The following MSH4 variants were observed in gnomAD, a reference collection of about 807,000 sequenced individuals.
The protein encoded by MSH4 is mutS homolog 4, also known as mutS protein homolog 4.
In MSH4, 106 loss-of-function variants were observed where a neutral mutation model predicts 113.7. The observed-to-expected ratio is 0.93, with a 90% CI of 0.80 to 1.10. The LOEUF (loss-of-function observed/expected upper bound fraction) is 1.10. Among genes scored for constraint, MSH4 ranks in the 50% least tolerant of loss-of-function variants. The probability of loss-of-function intolerance (pLI) is 0.00; values close to 1 mark genes in which losing one functional copy is unlikely to be tolerated. For synonymous variants in MSH4, 368 were observed against 380.2 expected (o/e 0.97, Z 0.37); for missense variants, 1,061 against 1,093.7 (o/e 0.97, Z 0.42).
At chr1:75,902,547 T>C (rs1203726345) in intron 19 of MSH4, among the ~76,000 whole-genome samples, 1 of 151,444 alleles carries the variant, frequency 6.6e-6, no homozygotes, top group African/African-American at 2.4e-5. Flanking sequence ...TTCTTGTTTA[T>C]GGCTATTAGT....
chr1:75,818,990 T>C (rs1650349493), intron 6 of MSH4, among the ~76,000 whole-genome samples: 2 of 151,936 alleles, frequency 1.3e-5, no homozygotes, highest in African/African-American at 4.8e-5. Context: ...ACGGTCTCGA[T>C]CTCCTGACCT....
At chr1:75,894,191 T>G (rs1341475857) in intron 17 of MSH4, among the ~76,000 whole-genome samples, 1 of 152,074 alleles carries the variant, frequency 6.6e-6, no homozygotes, top group Non-Finnish European at 1.5e-5. Context: ...CCAAATGCAA[T>G]AGGAATAATT....
chr1:75,881,121 A>G (rs1189975645), intron 13 of MSH4, 125 bp from the exon 14 acceptor site: 1 of 703,970 alleles, frequency 1.4e-6, no homozygotes, highest in African/African-American at 1.8e-5. Context: ...GGCTTTATCT[A>G]TAGTGTATAA....
At chr1:75,805,601 G>A (rs1650043910) in intron 2 of MSH4, among the ~76,000 whole-genome samples, 1 of 151,482 alleles carries the variant, frequency 6.6e-6, no homozygotes, top group African/African-American at 2.4e-5. Context: ...TGGCCAGGCT[G>A]GTCTCGAACT....
At chr1:75,869,885 G>A (rs1236560260) in intron 9 of MSH4, among the ~76,000 whole-genome samples, 1 of 152,194 alleles carries the variant, frequency 6.6e-6, no homozygotes, top group African/African-American at 2.4e-5. Context: ...TTGCCTAGTG[G>A]ATCTGTGAGA....
chr1:75,819,987 A>T (rs1262193081), intron 6 of MSH4, among the ~76,000 whole-genome samples: 1 of 152,166 alleles, frequency 6.6e-6, no homozygotes, highest in Non-Finnish European at 1.5e-5. Context: ...AAGTGCTGGG[A>T]ATACAGGCAT....
intron 19 of MSH4, among the ~76,000 whole-genome samples, chr1:75,903,531 A>G (rs1043090364): frequency 3.3e-5 from 5 of 152,146 alleles, no homozygotes; most frequent in Non-Finnish European, 7.4e-5. Flanking sequence ...GGTTCCATAT[A>G]AATTTTAGGA....
At position 75,878,237 on chromosome 1, in the gene MSH4, T is replaced by G. The variant is rs769413279; in HGVS notation, c.1459T>G (p.Cys487Gly). The change falls in exon 11 of 20, where the codon TGC becomes GGC. Residue 487 changes from cysteine to glycine, a missense_variant. Physicochemically the swap from Cys to Gly is radical, Grantham distance 159 (BLOSUM62 -3). Transcript: ENST00000263187. Reference protein sequence around the residue: ...KGCLNMRTQKCYAVRSNINEF... With the variant: ...KGCLNMRTQKGYAVRSNINEF... ...ATGCCTAAACATGAGGACTCAGAAGTGCTATGCAGTGAGGTCTAACATAAA... is the reference window on the plus strand; with the variant it reads ...ATGCCTAAACATGAGGACTCAGAAGGGCTATGCAGTGAGGTCTAACATAAA... 1.9e-6 allele frequency: 3 copies of G among 1,610,416 alleles called. No homozygotes were observed. The highest frequency in any genetic ancestry group is 2.5e-6 in the Non-Finnish European group (3 of 1,178,810).
chr1:75,858,925 A>T (rs1651385677), intron 8 of MSH4, among the ~76,000 whole-genome samples: 1 of 152,130 alleles, frequency 6.6e-6, no homozygotes, highest in Non-Finnish European at 1.5e-5. Flanking sequence ...GCTATTAATT[A>T]TTGCCTCAAT....
Position 75,855,498 on chromosome 1 carries a change from C to T in MSH4, c.1230+7222C>T, listed in dbSNP as rs561087768. Among the ~76,000 whole-genome samples, 9 of 152,348 alleles carry T rather than the reference C, an allele frequency of 5.9e-5. No homozygotes were observed. The South Asian group carries it at 1.7e-3, about 28-fold the overall frequency. On this transcript the variant is annotated intron_variant, in intron 8 of 19. Transcript: ENST00000263187. Reference sequence around the variant, plus strand: ...AACCTGTAGGGGAATCCTTTCTTGCCTCTTCCTAGCTTTTGGTGATTTGTT... The same window carrying T: ...AACCTGTAGGGGAATCCTTTCTTGCTTCTTCCTAGCTTTTGGTGATTTGTT...
chr1:75,802,236 AT>A, intron 1 of MSH4, among the ~76,000 whole-genome samples: 1 of 152,296 alleles, frequency 6.6e-6, no homozygotes, highest in Non-Finnish European at 1.5e-5. Context: ...CGTTACAGCT[AT>A]ATACGAAGGC....
intron 6 of MSH4, among the ~76,000 whole-genome samples, chr1:75,818,170 T>A (rs954160389): frequency 6.6e-6 from 1 of 152,226 alleles, no homozygotes; most frequent in African/African-American, 2.4e-5. Context: ...TACTGTGATA[T>A]CCTTTTAATC....
intron 8 of MSH4, among the ~76,000 whole-genome samples, chr1:75,862,103 G>C (rs886100348): frequency 2.6e-5 from 4 of 152,318 alleles, no homozygotes; most frequent in Non-Finnish European, 5.9e-5. Flanking sequence ...GCCAGGCACG[G>C]AAGGGGATCT....
chr1:75,871,087 A>C (rs184513554), intron 9 of MSH4, among the ~76,000 whole-genome samples: 29 of 152,314 alleles, frequency 1.9e-4, no homozygotes, highest in African/African-American at 6.7e-4. Context: ...GGTAGGCCTC[A>C]GGAAATGTAC....
intron 4 of MSH4, among the ~76,000 whole-genome samples, chr1:75,813,742 G>A (rs2100512646): frequency 6.6e-6 from 1 of 152,066 alleles, no homozygotes; most frequent in Admixed American, 6.5e-5. Flanking sequence ...CAGGTGTAGT[G>A]ACATGTGCCT....
intron 10 of MSH4, among the ~76,000 whole-genome samples, chr1:75,877,784 C>A (rs1275664976): frequency 6.6e-6 from 1 of 152,194 alleles, no homozygotes; most frequent in Non-Finnish European, 1.5e-5. Flanking sequence ...GTGCTTGATA[C>A]ATGGTGTACA....
At chr1:75,801,343 T>A (rs1464149112) in intron 1 of MSH4, among the ~76,000 whole-genome samples, 1 of 151,860 alleles carries the variant, frequency 6.6e-6, no homozygotes, top group Admixed American at 6.6e-5. Flanking sequence ...GGTGGGCAGA[T>A]CACCTGAGGC....
chr1:75,832,519 C>T (rs549988641), intron 7 of MSH4, among the ~76,000 whole-genome samples: 123 of 152,192 alleles, frequency 8.1e-4, no homozygotes, highest in African/African-American at 2.8e-3. Context: ...TGATGAACAT[C>T]GATGCAAAAA....
At chr1:75,804,051 A>C in intron 2 of MSH4, 138 bp downstream of exon 2, 1 of 525,198 alleles carries the variant, frequency 1.9e-6, no homozygotes, top group East Asian at 3.5e-5. Flanking sequence ...GTTTACCTCT[A>C]TCCATAATTT....
Sources: gnomAD v4.1 joint callset for allele counts (sites outside exome capture counted in the v4.1 genomes callset) on GRCh38, gnomAD v4.1.1 for gene constraint, MANE v1.5 for transcripts, NCBI Gene and HGNC (gene_info 2026-07-23, HGNC 2026-07-21) for gene names.